MAP2K7: variants seen among roughly 807,000 people sequenced by gnomAD.
MAP2K7 encodes the protein dual specificity mitogen-activated protein kinase kinase 7.
MAP2K7 carries 12 observed loss-of-function variants against 47.7 expected under a neutral mutation model. The observed-to-expected ratio is 0.25, with a 90% CI of 0.16 to 0.41. The LOEUF is 0.41. MAP2K7 is among the 10% of genes least tolerant of loss of function. The pLI, the probability that MAP2K7 is intolerant of heterozygous loss-of-function variation, is 1.00. For synonymous variants in MAP2K7, 299 were observed against 243.0 expected, an observed-to-expected ratio of 1.23 and a Z score of -2.14; for missense variants, 415 against 600.3, an observed-to-expected ratio of 0.69 and a Z score of 3.23.
chr19:7,905,671 G>T (rs967297662), intron 1 of MAP2K7: 5 of 758,990 alleles, frequency 6.6e-6, no homozygotes, highest in Admixed American at 5.5e-5. Flanking sequence ...CATCTCTGTC[G>T]GTTCCTAGCC....
chr19:7,910,433 T>G lies in MAP2K7; in HGVS notation c.448-20T>G, dbSNP rs760290803. ...ACCCCAGGCCGGTGCTGAGGCTCCCTCCTGTCCCTGCCTGTGCAGCAAATG... is the reference window on the plus strand; with the variant it reads ...ACCCCAGGCCGGTGCTGAGGCTCCCGCCTGTCCCTGCCTGTGCAGCAAATG... On this transcript the variant is annotated intron_variant, in intron 4 of 10. Coordinates refer to ENST00000397979, the MANE Select transcript of MAP2K7 (RefSeq NM_145185.4). The G allele has an allele frequency of 3.8e-5, 61 of 1,603,592 alleles. 4 individuals carry two copies. The South Asian group carries it at 6.6e-4, about 17-fold the overall frequency.
chr19:7,904,640 C>T (rs3810212), intron 1 of MAP2K7: 4,884 of 163,848 alleles, frequency 0.03, 224 homozygotes, highest in African/African-American at 0.099. Flanking sequence ...GGTGGGGGGA[C>T]GGGAGGGGGT....
At chr19:7,905,286 C>G (rs1179064984) in intron 1 of MAP2K7, among the ~76,000 whole-genome samples, 4 of 152,146 alleles carry the variant, frequency 2.6e-5, no homozygotes, top group Non-Finnish European at 5.9e-5. Context: ...GGGCACCCCA[C>G]CCATTCCCTG....
intron 1 of MAP2K7, among the ~76,000 whole-genome samples, chr19:7,908,716 C>T (rs1982618575): frequency 6.6e-6 from 1 of 152,026 alleles, no homozygotes; most frequent in Non-Finnish European, 1.5e-5. Flanking sequence ...AGGATTGGCT[C>T]CTCTGGAGGC....
chr19:7,904,148 GC>G, intron 1 of MAP2K7, 80 bp downstream of exon 1: 1 of 1,122,122 alleles, frequency 8.9e-7, no homozygotes, highest in Non-Finnish European at 1.1e-6. Context: ...CCACCACAAG[GC>G]CCCGCCCCCG....
chr19:7,914,235 G>GC lies in MAP2K7; in HGVS notation c.*1807dup, dbSNP rs1568283001. On this transcript the variant is annotated 3_prime_UTR_variant, in exon 11 of 11. Transcript: ENST00000397979. ...CACCCCCTTCAGTGTTAAGTGGGGA[G>GC]CCCTGGGGGAGTCTCTCCTGCCTCC... 1 of 152,348 alleles carries GC rather than the reference G, an allele frequency of 6.6e-6. No homozygotes were observed. The highest frequency in any genetic ancestry group is 2.4e-5 in the African/African-American group (1 of 41,422). 9.4% of individuals were successfully genotyped at this position (152,348 alleles called of 1,614,324 possible).
At chr19:7,905,889 C>T in intron 1 of MAP2K7, 1 of 1,605,946 alleles carries the variant, frequency 6.2e-7, no homozygotes, top group Non-Finnish European at 8.5e-7. Flanking sequence ...GCTTGGACAT[C>T]TGCACCATTG....
Position 7,903,891 on chromosome 19 carries a change from C to A in MAP2K7, c.-54C>A. The A allele has an allele frequency of 1.4e-6, 2 of 1,390,748 alleles. No individual in the cohort carries two copies. The highest frequency in any genetic ancestry group is 1.9e-6 in the Non-Finnish European group (2 of 1,047,030). 86.2% of individuals were successfully genotyped at this position (1,390,748 alleles called of 1,614,324 possible). On this transcript the variant is annotated 5_prime_UTR_variant, in exon 1 of 11. The change creates a new upstream start codon in the 5' untranslated region. Transcript: ENST00000397979. ...GGCGCAGGCGCAGTGCGGTGTTTGT[C>A]TGCCGGACTGACGGGCGGCCGGGCG...
At chr19:7,910,152 G>C (rs1486661773) in intron 3 of MAP2K7, 23 bp downstream of exon 3, 2 of 1,595,068 alleles carry the variant, frequency 1.3e-6, no homozygotes, top group African/African-American at 1.3e-5. Flanking sequence ...CTGTGGCGGG[G>C]AGAGGGAGGA....
At chr19:7,906,029 C>G (rs1340333886) in intron 1 of MAP2K7, 2 of 663,780 alleles carry the variant, frequency 3.0e-6, no homozygotes, top group Non-Finnish European at 5.4e-6. Flanking sequence ...CCAGCCCAGC[C>G]TCCTCTGCGT....
In MAP2K7 at chr19:7,912,951, C is replaced by A. The variant is rs774261503; in HGVS notation, c.*520C>A. 28 of 163,484 alleles carry A rather than the reference C, an allele frequency of 1.7e-4. No homozygotes were observed. Among genetic ancestry groups the A allele is most frequent in the Non-Finnish European group, 2.7e-4 (20 of 74,266 alleles). The allele number at this position is 163,484 out of a possible 1,614,324, so 10.1% of individuals were successfully genotyped here. A position where few individuals can be genotyped will look rare whatever the true frequency, so the allele number is the denominator to read the frequency against. On this transcript the variant is annotated 3_prime_UTR_variant, in exon 11 of 11. Coordinates refer to ENST00000397979, the MANE Select transcript of MAP2K7 (RefSeq NM_145185.4). ...CCACCTCCTGACGGGTCCCCTGGGT[C>A]TGCATAGGTCTCCCATGGCGCAATG...
chr19:7,904,212 C>G, intron 1 of MAP2K7, 144 bp downstream of exon 1: 1 of 693,494 alleles, frequency 1.4e-6, no homozygotes, highest in Non-Finnish European at 1.9e-6. Flanking sequence ...GCTCGCGGGG[C>G]GAGGGTCACG....
At chr19:7,905,564 A>G (rs1025314772) in intron 1 of MAP2K7, among the ~76,000 whole-genome samples, 5 of 152,074 alleles carry the variant, frequency 3.3e-5, no homozygotes, top group South Asian at 2.1e-4. Context: ...GGCCGTTCCC[A>G]TGCAGAGCTA....
At chr19:7,905,916 G>C in intron 1 of MAP2K7, 1 of 1,510,606 alleles carries the variant, frequency 6.6e-7, no homozygotes, top group Non-Finnish European at 9.2e-7. Context: ...CCGCTGCCCC[G>C]GCCGCAGAAT....
rs761990849 is a variant in MAP2K7, at chr19:7,910,649, G to T, written c.568-47G>T. 3.7e-6 allele frequency: 6 copies of T among 1,608,032 alleles called. No individual in the cohort carries two copies. The African/African-American group carries it at 6.7e-5, about 18-fold the overall frequency. On this transcript the variant is annotated intron_variant, in intron 5 of 10. Transcript: ENST00000397979. ...CTTCCTAGGGAGCAGAGCCTCTGGG[G>T]GGTGGGCCGGAAGACACAGCTCCCC... is the stretch of plus-strand genomic sequence containing the variant.
At chr19:7,907,994 A>G (rs1982574741) in intron 1 of MAP2K7, among the ~76,000 whole-genome samples, 1 of 151,992 alleles carries the variant, frequency 6.6e-6, no homozygotes, top group African/African-American at 2.4e-5. Flanking sequence ...GCGAGACCCC[A>G]TCTCTACTCA....
intron 1 of MAP2K7, chr19:7,904,644 A>C (rs1480405050): frequency 1.2e-5 from 2 of 164,232 alleles, no homozygotes; most frequent in East Asian, 3.9e-4. Context: ...GGGGGACGGG[A>C]GGGGGTCCCT....
Position 7,912,538 on chromosome 19 carries a change from G to A in MAP2K7, c.*107G>A. The A allele has an allele frequency of 1.5e-6, 2 of 1,357,696 alleles. No individual in the cohort carries two copies. Among genetic ancestry groups the A allele is most frequent in the South Asian group, 1.4e-5 (1 of 69,880 alleles). The allele number at this position is 1,357,696 out of a possible 1,614,324, so 84.1% of individuals were successfully genotyped here. On this transcript the variant is annotated 3_prime_UTR_variant, in exon 11 of 11. Coordinates refer to ENST00000397979, the MANE Select transcript of MAP2K7 (RefSeq NM_145185.4). ...CCAGGGGAGACCTGGGACCTGGACG[G>A]CCACCTAGGACTGAGGACAGAGAGT... is the stretch of plus-strand genomic sequence containing the variant.
Position 7,912,478 on chromosome 19 carries a change from A to G in MAP2K7, c.*47A>G. 2 of 1,564,700 alleles carry G rather than the reference A, an allele frequency of 1.3e-6. No homozygotes were observed. The highest frequency in any genetic ancestry group is 1.1e-5 in the South Asian group (1 of 87,010). ...CACAGGGGGCCAGGGGCATGGCCAC[A>G]GGCCCCCCTCCCCACTTGGCCACCC... On this transcript the variant is annotated 3_prime_UTR_variant, in exon 11 of 11. Transcript: ENST00000397979.
Sources: gnomAD v4.1 joint callset for allele counts (sites outside exome capture counted in the v4.1 genomes callset) on GRCh38, gnomAD v4.1.1 for gene constraint, MANE v1.5 for transcripts, NCBI Gene and HGNC (gene_info 2026-07-23, HGNC 2026-07-21) for gene names.